The following CDH13 variants were observed in gnomAD, a reference collection of about 807,000 sequenced individuals.
The protein encoded by CDH13 is cadherin-13.
Under a neutral mutation model 63.8 loss-of-function variants are expected in CDH13, and 24 were observed. The ratio of observed to expected loss-of-function variants is 0.38; its 90% CI spans 0.27 to 0.53. CDH13 has a LOEUF of 0.53. CDH13 is among the 20% of genes least tolerant of loss of function. The probability of loss-of-function intolerance (pLI) is 0.85; values close to 1 mark genes in which losing one functional copy is unlikely to be tolerated. For synonymous variants in CDH13, 503 were observed against 355.3 expected (o/e 1.42, Z -4.67); for missense variants, 1,049 against 903.1 (o/e 1.16, Z -2.07).
At chr16:82,868,993 T>C (rs1461896077) in intron 2 of CDH13, among the ~76,000 whole-genome samples, 1 of 152,170 alleles carries the variant, frequency 6.6e-6, no homozygotes, top group Non-Finnish European at 1.5e-5. Context: ...ATCTCAACAG[T>C]CTGTTTTGAG....
intron 1 of CDH13, among the ~76,000 whole-genome samples, chr16:82,674,697 A>T (rs1913693573): frequency 6.6e-6 from 1 of 152,188 alleles, no homozygotes; most frequent in African/African-American, 2.4e-5. Flanking sequence ...TCCTGTGCTA[A>T]CATTTTTTCC....
intron 7 of CDH13, among the ~76,000 whole-genome samples, chr16:83,557,062 C>A (rs1392601450): frequency 6.6e-6 from 1 of 152,164 alleles, no homozygotes; most frequent in Non-Finnish European, 1.5e-5. Context: ...ACAGGCACTC[C>A]CCATTGCTCC....
intron 5 of CDH13, among the ~76,000 whole-genome samples, chr16:83,340,703 C>T (rs758423270): frequency 1.3e-5 from 2 of 152,188 alleles, no homozygotes; most frequent in Non-Finnish European, 2.9e-5. Flanking sequence ...GGCTTGGAGA[C>T]TGACCTTTGA....
intron 1 of CDH13, among the ~76,000 whole-genome samples, chr16:82,668,828 G>C (rs1597270142): frequency 6.6e-6 from 1 of 152,212 alleles, no homozygotes; most frequent in African/African-American, 2.4e-5. Flanking sequence ...CGATGTCAGA[G>C]AGGGGCTGTG....
intron 3 of CDH13, among the ~76,000 whole-genome samples, chr16:83,117,106 A>G (rs984606720): frequency 1.3e-5 from 2 of 152,212 alleles, no homozygotes; most frequent in African/African-American, 2.4e-5. Context: ...CTTTGAGTCT[A>G]TTCTCCACAA....
chr16:82,876,910 A>G (rs1158801056), intron 2 of CDH13, among the ~76,000 whole-genome samples: 1 of 152,208 alleles, frequency 6.6e-6, no homozygotes, highest in East Asian at 1.9e-4. Flanking sequence ...GAAAAAAAGT[A>G]TCTGGGAACT....
At chr16:82,661,785 C>T (rs1381412943) in intron 1 of CDH13, among the ~76,000 whole-genome samples, 1 of 152,214 alleles carries the variant, frequency 6.6e-6, no homozygotes, top group Non-Finnish European at 1.5e-5. Context: ...GAATAAAGAG[C>T]TAGTACACAC....
At chr16:83,185,210 A>G (rs1195640446) in intron 4 of CDH13, among the ~76,000 whole-genome samples, 2 of 152,152 alleles carry the variant, frequency 1.3e-5, no homozygotes, top group African/African-American at 2.4e-5. Flanking sequence ...TTGCTGGTCT[A>G]CATTCATACC....
intron 6 of CDH13, among the ~76,000 whole-genome samples, chr16:83,470,638 C>G (rs1327306585): frequency 6.6e-6 from 1 of 152,062 alleles, no homozygotes; most frequent in Non-Finnish European, 1.5e-5. Context: ...GAATCTGATT[C>G]TTCTACCCCT....
chr16:83,782,927 A>C (rs553578432), intron 12 of CDH13, among the ~76,000 whole-genome samples: 1 of 152,006 alleles, frequency 6.6e-6, no homozygotes, highest in African/African-American at 2.4e-5. Context: ...TTGGTAATCA[A>C]TCATCTTCAT....
intron 4 of CDH13, among the ~76,000 whole-genome samples, chr16:83,189,538 A>G (rs1366735824): frequency 6.6e-6 from 1 of 152,194 alleles, no homozygotes. Context: ...GCTAAGGCTA[A>G]AGGGTATTCA....
At chr16:82,809,694 T>A (rs578052949) in intron 1 of CDH13, among the ~76,000 whole-genome samples, 13 of 152,148 alleles carry the variant, frequency 8.5e-5, no homozygotes, top group African/African-American at 2.4e-5. Flanking sequence ...GCAAATATGT[T>A]ATGGTTACCA....
chr16:83,124,854 C>T (rs983323235), intron 3 of CDH13, among the ~76,000 whole-genome samples: 5 of 152,116 alleles, frequency 3.3e-5, no homozygotes, highest in Non-Finnish European at 7.3e-5. Flanking sequence ...GGCTTTAGTT[C>T]TGGATTCTCT....
At chr16:82,911,045 G>A (rs1384681879) in intron 2 of CDH13, among the ~76,000 whole-genome samples, 1 of 152,158 alleles carries the variant, frequency 6.6e-6, no homozygotes, top group African/African-American at 2.4e-5. Context: ...GAGTAAGGCA[G>A]ACCCATCCCA....
At chr16:82,728,718 C>A (rs8058536) in intron 1 of CDH13, among the ~76,000 whole-genome samples, 3,822 of 152,136 alleles carry the variant, frequency 0.025, 147 homozygotes, top group African/African-American at 0.088. Flanking sequence ...AAAAAGAAGA[C>A]CACAATGAAG....
chr16:82,795,259 C>T (rs1247594506), intron 1 of CDH13, among the ~76,000 whole-genome samples: 1 of 152,150 alleles, frequency 6.6e-6, no homozygotes, highest in African/African-American at 2.4e-5. Context: ...GGACAGTTGT[C>T]CCAGGGGACT....
chr16:83,527,558 T>G (rs1444080610), intron 7 of CDH13, among the ~76,000 whole-genome samples: 1 of 152,216 alleles, frequency 6.6e-6, no homozygotes, highest in Non-Finnish European at 1.5e-5. Flanking sequence ...CACAGCATTA[T>G]AGAAACGGCC....
At chr16:83,457,946 C>T (rs1056749457) in intron 6 of CDH13, among the ~76,000 whole-genome samples, 3 of 152,216 alleles carry the variant, frequency 2.0e-5, no homozygotes, top group Non-Finnish European at 2.9e-5. Flanking sequence ...ATCGGACATA[C>T]GCAGTGATGC....
intron 1 of CDH13, among the ~76,000 whole-genome samples, chr16:82,711,789 C>A (rs2031968298): frequency 2.6e-5 from 4 of 152,208 alleles, no homozygotes; most frequent in Non-Finnish European, 5.9e-5. Context: ...ATAAGGACAA[C>A]CGGTGATGCC....
Sources: gnomAD v4.1 joint callset for allele counts (sites outside exome capture counted in the v4.1 genomes callset) on GRCh38, gnomAD v4.1.1 for gene constraint, MANE v1.5 for transcripts, NCBI Gene and HGNC (gene_info 2026-07-23, HGNC 2026-07-21) for gene names.